TLCD3B: variants seen among roughly 807,000 people sequenced by gnomAD.
TLCD3B encodes ceramide synthase.
In TLCD3B, 9 loss-of-function variants were observed where a neutral mutation model predicts 23.0. That is an observed-to-expected ratio of 0.39 (90% CI 0.24 to 0.68). The LOEUF is 0.68. Among genes scored for constraint, TLCD3B ranks in the 30% least tolerant of loss-of-function variants. The pLI, the probability that TLCD3B is intolerant of heterozygous loss-of-function variation, is 0.44. For synonymous variants in TLCD3B, 161 were observed against 161.0 expected (o/e 1.00, Z 0.00); for missense variants, 307 against 371.8 (o/e 0.83, Z 1.43).
chr16:30,040,147 A>AAAATATATATATATAT, intron 3 of TLCD3B, among the ~76,000 whole-genome samples: 5 of 95,898 alleles, frequency 5.2e-5, no homozygotes, highest in South Asian at 3.5e-4. Context: ...AAAAAAAAAA[A>AAAATATATATATATAT]ATATATATAT....
chr16:30,025,074 TG>T lies in TLCD3B; in HGVS notation c.*108del. The stretch of plus-strand genomic sequence containing the variant: ...TCCCTTTCGGGGTCATCGTCAGTCC[TG>T]GGGTTGTCCGGGCAAGAGGACCCTG... On this transcript the variant is annotated 3_prime_UTR_variant, in exon 5 of 5. Coordinates refer to ENST00000380495, the MANE Select transcript of TLCD3B (RefSeq NM_031478.6). This position sits in a 1 kb window ranked among gnomAD's most constrained non-coding sequence, Gnocchi z 4.1. The T allele has an allele frequency of 1.4e-6, 1 of 732,014 alleles. No homozygotes were observed. Among genetic ancestry groups the T allele is most frequent in the Non-Finnish European group, 2.1e-6 (1 of 466,880 alleles). The allele number at this position is 732,014 out of a possible 1,614,324, so 45.3% of individuals were successfully genotyped here.
chr16:30,034,588 A>G (rs1305233700), upstream of TLCD3B, among the ~76,000 whole-genome samples: 1 of 141,672 alleles, frequency 7.1e-6, no homozygotes, highest in Non-Finnish European at 1.6e-5. Context: ...CAACAACGAC[A>G]AAGAATCATA....
At position 30,036,292 on chromosome 16, in the gene TLCD3B, C is replaced by T. The variant is rs545009539; in HGVS notation, c.-66-78G>A. 5.4e-6 allele frequency: 7 copies of T among 1,288,848 alleles called. No individual in the cohort carries two copies. In the South Asian group the frequency reaches 8.6e-5, roughly 16 times the overall value. 79.8% of individuals were successfully genotyped at this position (1,288,848 alleles called of 1,614,324 possible). On this transcript the variant is annotated intron_variant, in intron 3 of 6. Coordinates refer to the TLCD3B transcript ENST00000561666. ...CATTTGTTGAAAAAACAAAATAAAG[C>T]CAAAGCGATTGTTGTTCCATTAAAA...
chr16:30,049,323 G>A (rs1389322528), intron 1 of TLCD3B, among the ~76,000 whole-genome samples: 2 of 152,116 alleles, frequency 1.3e-5, no homozygotes, highest in Non-Finnish European at 2.9e-5. Context: ...AGATGATATC[G>A]TTGGATGTCC....
chr16:30,040,139 A>ATATAT, intron 3 of TLCD3B, among the ~76,000 whole-genome samples: 1 of 99,386 alleles, frequency 1.0e-5, no homozygotes, highest in African/African-American at 4.0e-5. Flanking sequence ...GTCTCAAAAA[A>ATATAT]AAAAAAAAAT....
intron 2 of TLCD3B, among the ~76,000 whole-genome samples, chr16:30,028,165 A>T (rs1406714169): frequency 1.3e-5 from 2 of 152,218 alleles, no homozygotes; most frequent in East Asian, 3.9e-4. Flanking sequence ...CAGGCCCAGC[A>T]GAGGTGATGG....
intron 3 of TLCD3B, among the ~76,000 whole-genome samples, chr16:30,039,125 T>A (rs2071533428): frequency 7.0e-6 from 1 of 143,174 alleles, no homozygotes; most frequent in Non-Finnish European, 1.5e-5. Flanking sequence ...TTTTTTTTTT[T>A]TTTTTTTTAG....
rs181876110 is a variant in TLCD3B, at chr16:30,048,998, T to C, written c.-293-2611A>G. 8.7e-4 allele frequency among the ~76,000 whole-genome samples: 133 copies of C among 152,328 alleles called. 1 individual carries two copies. Among genetic ancestry groups the C allele is most frequent in the African/African-American group, 3.2e-3 (131 of 41,574 alleles). ...GCTAGCCAAGCTGATCTCAAACTCCTGACCTCAGGTGGTCCGCCTGCCTTG... is the reference window on the plus strand; with the variant it reads ...GCTAGCCAAGCTGATCTCAAACTCCCGACCTCAGGTGGTCCGCCTGCCTTG... On this transcript the variant is annotated intron_variant, in intron 1 of 6. Transcript: ENST00000561666.
intron 3 of TLCD3B, among the ~76,000 whole-genome samples, chr16:30,039,208 T>C (rs532085799): frequency 7.0e-6 from 1 of 143,292 alleles, no homozygotes; most frequent in Non-Finnish European, 1.5e-5. Context: ...ACCGCAAACG[T>C]CGCCTCCCAG....
intron 3 of TLCD3B, among the ~76,000 whole-genome samples, chr16:30,038,115 G>C (rs2071508376): frequency 6.6e-6 from 1 of 152,174 alleles, no homozygotes; most frequent in Non-Finnish European, 1.5e-5. Context: ...CCCCTTAAGT[G>C]AAGCTGCAGT....
Position 30,026,693 on chromosome 16 carries a change from G to A in TLCD3B, c.360C>T (p.Ala120=), listed in dbSNP as rs1274998985. The change falls in exon 3 of 5, where the codon GCC becomes GCT. Residue 120 remains alanine (A), a synonymous_variant. Coordinates refer to ENST00000380495, the MANE Select transcript of TLCD3B (RefSeq NM_031478.6). ...GAARAPGSTW[A]IARGYLHKEF... ...CCTTGTGCAGGTAGCCACGCGCTAT[G>A]GCCCACGTGCTGCCCGGGGCTCTGG... 2 of 1,613,860 alleles carry A rather than the reference G, an allele frequency of 1.2e-6. No homozygotes were observed. The highest frequency in any genetic ancestry group is 2.7e-5 in the African/African-American group (2 of 74,940).
upstream of TLCD3B, chr16:30,035,580 C>T: frequency 1.7e-6 from 2 of 1,154,606 alleles, no homozygotes; most frequent in Non-Finnish European, 2.2e-6. Flanking sequence ...GAGGCAAGCC[C>T]CAAGAGACCC....
At chr16:30,046,086 G>C (rs1401913875) in intron 2 of TLCD3B, among the ~76,000 whole-genome samples, 3 of 152,038 alleles carry the variant, frequency 2.0e-5, no homozygotes, top group Admixed American at 1.3e-4. Flanking sequence ...CTCCAACCTG[G>C]GTGACAGAGG....
Position 30,025,142 on chromosome 16 carries a change from G to C in TLCD3B, c.*41C>G. The stretch of plus-strand genomic sequence containing the variant: ...ATCAGCCCCAGAGCCCTGTCTCCAC[G>C]GGGGTGGGGGTGGGGAGGGGGAGGG... On this transcript the variant is annotated 3_prime_UTR_variant, in exon 5 of 5. Transcript: ENST00000380495. The surrounding 1 kb of genome is among the most constrained non-coding windows in gnomAD (Gnocchi z 4.1). 1 of 1,288,050 alleles carries C rather than the reference G, an allele frequency of 7.8e-7. No individual in the cohort carries two copies. Among genetic ancestry groups the C allele is most frequent in the Non-Finnish European group, 1.0e-6 (1 of 966,582 alleles). 79.8% of individuals were successfully genotyped at this position (1,288,050 alleles called of 1,614,324 possible).
At position 30,029,842 on chromosome 16, in the gene TLCD3B, G is replaced by C. The variant is rs1439994096; in HGVS notation, c.126-327C>G. Among the ~76,000 whole-genome samples, 1 of 152,180 alleles carries C rather than the reference G, an allele frequency of 6.6e-6. No homozygotes were observed. The highest frequency in any genetic ancestry group is 1.5e-5 in the Non-Finnish European group (1 of 68,026). On this transcript the variant is annotated intron_variant, in intron 1 of 4. Transcript: ENST00000380495. This position sits in a 1 kb window ranked among gnomAD's most constrained non-coding sequence, Gnocchi z 4.6. Reference sequence around the variant, plus strand: ...AGACTGAGAGTGAACTGCTGGCCTGGACCTCTCCCCACGAGGGGAGCCTGG... The same window carrying C: ...AGACTGAGAGTGAACTGCTGGCCTGCACCTCTCCCCACGAGGGGAGCCTGG...
chr16:30,052,160 G>A (rs934230111), intron 1 of TLCD3B, among the ~76,000 whole-genome samples: 1 of 151,998 alleles, frequency 6.6e-6, no homozygotes, highest in Admixed American at 6.6e-5. Context: ...CTGAGGTTAG[G>A]AGTTCGAGAC....
chr16:30,036,672 C>A (rs904977886), intron 3 of TLCD3B: 3 of 257,380 alleles, frequency 1.2e-5, no homozygotes, highest in Non-Finnish European at 1.5e-5. Context: ...CCTGTGGGGG[C>A]TGGGGGGCGG....
chr16:30,045,092 CAAAAAAAAAAAAAA>C (rs1162281544), intron 2 of TLCD3B, among the ~76,000 whole-genome samples: 3 of 22,226 alleles, frequency 1.3e-4, no homozygotes, highest in South Asian at 2.7e-3. Flanking sequence ...GACTCCATCT[CAAAAAAAAAAAAAA>C]AAAAAAAAAA....
chr16:30,024,498 G>T lies in TLCD3B; in HGVS notation c.*685C>A. The T allele has an allele frequency of 1.9e-6, 1 of 537,866 alleles. No homozygotes were observed. Among genetic ancestry groups the T allele is most frequent in the East Asian group, 3.1e-5 (1 of 32,450 alleles). 33.3% of individuals were successfully genotyped at this position (537,866 alleles called of 1,614,324 possible). The stretch of plus-strand genomic sequence containing the variant: ...CCCAGGGTCCCCCGACCCCAGATTG[G>T]AGGAAGCCTTGAGAGGTCAGTAGCA... On this transcript the variant is annotated 3_prime_UTR_variant, in exon 5 of 5. Coordinates refer to ENST00000380495, the MANE Select transcript of TLCD3B (RefSeq NM_031478.6).
Sources: allele counts gnomAD v4.1 joint callset (sites outside exome capture counted in the v4.1 genomes callset), GRCh38; gene constraint gnomAD v4.1.1; non-coding constraint Gnocchi (gnomAD v3.1); transcripts MANE v1.5; gene names NCBI Gene and HGNC (gene_info 2026-07-23, HGNC 2026-07-21).